LRBA: variants seen among roughly 807,000 people sequenced by gnomAD.
LRBA encodes LPS responsive beige-like anchor protein, also known as lipopolysaccharide-responsive and beige-like anchor protein.
Under a neutral mutation model 330.0 loss-of-function variants are expected in LRBA, and 176 were observed. That is an observed-to-expected ratio of 0.53 (90% CI 0.47 to 0.60). LRBA has a LOEUF of 0.60. Ranked by LOEUF, LRBA falls within the 20% of genes least tolerant of loss-of-function variation. The pLI, the probability that LRBA is intolerant of heterozygous loss-of-function variation, is 0.00. For synonymous variants in LRBA, 1,230 were observed against 1,193.0 expected (o/e 1.03, Z -0.64); for missense variants, 3,259 against 3,444.8 (o/e 0.95, Z 1.35).
intron 17 of LRBA, among the ~76,000 whole-genome samples, chr4:150,875,734 A>T (rs1753952283): frequency 6.6e-6 from 1 of 152,202 alleles, no homozygotes; most frequent in Non-Finnish European, 1.5e-5. Context: ...GAGAAAGAAA[A>T]AAATCTTAAA....
chr4:150,865,359 T>C (rs1159037584), intron 22 of LRBA, among the ~76,000 whole-genome samples: 6 of 152,198 alleles, frequency 3.9e-5, no homozygotes, highest in African/African-American at 7.2e-5. Flanking sequence ...TGATGTAACA[T>C]GTATGATTAT....
intron 48 of LRBA, among the ~76,000 whole-genome samples, chr4:150,344,317 T>C (rs1220032244): frequency 6.6e-6 from 1 of 152,212 alleles, no homozygotes; most frequent in Admixed American, 6.5e-5. Context: ...ATGTGAACTA[T>C]ATCTCAATAA....
At chr4:150,754,541 A>AG (rs35772422) in intron 35 of LRBA, among the ~76,000 whole-genome samples, 27,159 of 116,138 alleles carry the variant, frequency 0.23, 4,161 homozygotes, top group Non-Finnish European at 0.36. Flanking sequence ...AAAAAAAAAA[A>AG]AGAGAGAGAG....
chr4:150,428,260 C>T (rs992967477), intron 46 of LRBA, among the ~76,000 whole-genome samples: 7 of 151,926 alleles, frequency 4.6e-5, no homozygotes, highest in African/African-American at 1.7e-4. Context: ...TAACTTAATA[C>T]ACTCACCACT....
Position 151,014,723 on chromosome 4 carries a change from T to G in LRBA, c.-81A>C. 5 of 913,220 alleles carry G rather than the reference T, an allele frequency of 5.5e-6. No homozygotes were observed. Among genetic ancestry groups the G allele is most frequent in the Non-Finnish European group, 6.6e-6 (4 of 602,946 alleles). The allele number at this position is 913,220 out of a possible 1,614,324, so 56.6% of individuals were successfully genotyped here. On this transcript the variant is annotated 5_prime_UTR_variant, in exon 2 of 57. Transcript: ENST00000651943. Reference sequence around the variant, plus strand: ...CTGGTAATGAGCACAACACACGCAATGCAAAACGAAAGGGTCCCTCTTCCA... The same window carrying G: ...CTGGTAATGAGCACAACACACGCAAGGCAAAACGAAAGGGTCCCTCTTCCA...
chr4:151,012,189 C>T (rs1009893400), intron 2 of LRBA, among the ~76,000 whole-genome samples: 1 of 152,156 alleles, frequency 6.6e-6, no homozygotes, highest in Non-Finnish European at 1.5e-5. Flanking sequence ...CCTGCAAATA[C>T]GCAGCTTTGA....
intron 15 of LRBA, among the ~76,000 whole-genome samples, chr4:150,896,978 TA>T (rs1730153676): frequency 1.4e-5 from 2 of 141,840 alleles, no homozygotes; most frequent in Admixed American, 1.4e-4. Context: ...TATTAATCAC[TA>T]AAAAAGCTGC....
At chr4:150,889,434 T>C (rs926808758) in intron 17 of LRBA, among the ~76,000 whole-genome samples, 34 of 152,162 alleles carry the variant, frequency 2.2e-4, no homozygotes, top group African/African-American at 7.5e-4. Flanking sequence ...TGAGGTCAGG[T>C]GATCGAGACC....
chr4:150,335,403 G>A (rs1209609614), intron 48 of LRBA, among the ~76,000 whole-genome samples: 1 of 149,380 alleles, frequency 6.7e-6, no homozygotes, highest in Non-Finnish European at 1.5e-5. Context: ...ATGTGTGGCT[G>A]TGTATATATA....
rs575286804 is a variant in LRBA, at chr4:150,481,957, GT to G, written c.6551+5774del. ...TGATAAATGCCTAAGAGTGGAATTA[GT>G]ATGATATACATTAAGTTCCTAACCT... On this transcript the variant is annotated intron_variant, in intron 42 of 56. Coordinates refer to ENST00000651943, the MANE Select transcript of LRBA (RefSeq NM_001364905.1). Among the ~76,000 whole-genome samples the G allele has an allele frequency of 2.0e-5, 3 of 152,090 alleles. 1 individual carries two copies. The South Asian group carries it at 6.2e-4, about 31-fold the overall frequency.
At chr4:150,712,751 A>C (rs1786349506) in intron 36 of LRBA, among the ~76,000 whole-genome samples, 1 of 152,184 alleles carries the variant, frequency 6.6e-6, no homozygotes, top group Non-Finnish European at 1.5e-5. Context: ...AACATCCCTA[A>C]AAAGCCTTTA....
At chr4:150,810,573 G>C (rs1743576044) in intron 31 of LRBA, among the ~76,000 whole-genome samples, 1 of 152,020 alleles carries the variant, frequency 6.6e-6, no homozygotes, top group African/African-American at 2.4e-5. Flanking sequence ...TGAAGCTAAA[G>C]CACACACTTC....
intron 44 of LRBA, among the ~76,000 whole-genome samples, chr4:150,458,782 T>C (rs1249683724): frequency 7.8e-6 from 1 of 128,308 alleles, no homozygotes; most frequent in Non-Finnish European, 1.9e-5. Flanking sequence ...ATATTTATTC[T>C]AGTTTTTTTT....
chr4:150,486,058 T>A lies in LRBA; in HGVS notation c.6551+1674A>T, dbSNP rs189808396. ...ATAATATTAAATTGCATATTTAAAT[T>A]GCTAAGAGAGTAGATCTTAAGTATT... On this transcript the variant is annotated intron_variant, in intron 42 of 56. Coordinates refer to ENST00000651943, the MANE Select transcript of LRBA (RefSeq NM_001364905.1). 2.6e-5 allele frequency among the ~76,000 whole-genome samples: 4 copies of A among 152,000 alleles called. No homozygotes were observed. The East Asian group carries it at 7.7e-4, about 29-fold the overall frequency.
At chr4:150,818,410 A>G (rs1560862480) in intron 30 of LRBA, among the ~76,000 whole-genome samples, 2 of 152,038 alleles carry the variant, frequency 1.3e-5, no homozygotes, top group Non-Finnish European at 2.9e-5. Context: ...AATGTTAACT[A>G]TACACTAAAA....
At position 150,541,677 on chromosome 4, in the gene LRBA, C is replaced by T. The variant is rs148579033; in HGVS notation, c.6330+46371G>A. ...AACTATATACTATCTACAGAAGACT[C>T]ACTTTATAATTCATTTATTTTTAGA... On this transcript the variant is annotated intron_variant, in intron 40 of 56. Coordinates refer to ENST00000651943, the MANE Select transcript of LRBA (RefSeq NM_001364905.1). Among the ~76,000 whole-genome samples the T allele has an allele frequency of 1.6e-3, 243 of 152,178 alleles. 1 individual carries two copies. The highest frequency in any genetic ancestry group is 5.3e-3 in the African/African-American group (221 of 41,538).
At chr4:150,585,283 C>G (rs1771968218) in intron 40 of LRBA, among the ~76,000 whole-genome samples, 1 of 152,168 alleles carries the variant, frequency 6.6e-6, no homozygotes, top group Non-Finnish European at 1.5e-5. Flanking sequence ...TTATAAATTA[C>G]TTCCATTTTA....
intron 52 of LRBA, among the ~76,000 whole-genome samples, chr4:150,309,223 G>A (rs1730748753): frequency 6.6e-6 from 1 of 152,064 alleles, no homozygotes; most frequent in Non-Finnish European, 1.5e-5. Context: ...ACTTACCGTT[G>A]TGTTATAATT....
At chr4:150,742,080 T>C (rs1294558510) in intron 35 of LRBA, among the ~76,000 whole-genome samples, 4 of 151,558 alleles carry the variant, frequency 2.6e-5, no homozygotes, top group African/African-American at 9.7e-5. Flanking sequence ...CTTCCTTCTT[T>C]AATAGGAGTT....
Sources: allele counts gnomAD v4.1 joint callset (sites outside exome capture counted in the v4.1 genomes callset), GRCh38; gene constraint gnomAD v4.1.1; transcripts MANE v1.5; gene names NCBI Gene and HGNC (gene_info 2026-07-23, HGNC 2026-07-21).